Variants in NUMA1 observed in about 807,000 individuals in gnomAD.
The protein encoded by NUMA1 is nuclear mitotic apparatus protein 1.
NUMA1 carries 62 observed loss-of-function variants against 237.1 expected under a neutral mutation model. The observed-to-expected ratio is 0.26, with a 90% confidence interval of 0.21 to 0.32. The LOEUF (loss-of-function observed/expected upper bound fraction) is 0.32, where lower values mean the gene tolerates loss of function less well. Ranked by LOEUF, NUMA1 falls within the 10% of genes least tolerant of loss-of-function variation. NUMA1 has a pLI of 1.00. For missense variants in NUMA1, 2,533 were observed against 2,666.5 expected (o/e 0.95, Z 1.10); for synonymous variants, 1,028 against 1,066.1 (o/e 0.96, Z 0.70).
chr11:72,004,143 C>G, intron 25 of NUMA1, 44 bp from the exon 26 acceptor site: 1 of 1,610,402 alleles, frequency 6.2e-7, no homozygotes. Context: ...ATGCTGCCTT[C>G]CCAGGCCAGC....
In NUMA1 at chr11:72,008,695, T is replaced by C. The variant is rs936927353; in HGVS notation, c.5209A>G (p.Ile1737Val). The C allele has an allele frequency of 5.6e-6, 9 of 1,614,048 alleles. No homozygotes were observed. The highest frequency in any genetic ancestry group is 6.8e-6 in the Non-Finnish European group (8 of 1,180,040). Residue 1737 changes from isoleucine to valine, a missense_variant, in exon 20 of 27, where the codon ATC becomes GTC. Physicochemically the swap from Ile to Val is conservative, Grantham distance 29. Transcript: ENST00000393695. The stretch of plus-strand genomic sequence containing the variant: ...GGAAGGCTGCCTCCTGACCTGGTGA[T>C]ACTGAGTGGGGTCCCCTCCTCGCAG... The part of the protein sequence containing the change: ...LSCEEGTPLS[I>V]TSKLPRTQPD...
intron 20 of NUMA1, chr11:72,007,782 A>C (rs1955847204): frequency 5.3e-6 from 2 of 374,848 alleles, no homozygotes; most frequent in Admixed American, 4.3e-5. Flanking sequence ...AACGCCCCCC[A>C]CTCAGGCCCC....
At chr11:72,051,894 A>C (rs1007767594) in intron 2 of NUMA1, among the ~76,000 whole-genome samples, 5 of 152,224 alleles carry the variant, frequency 3.3e-5, no homozygotes, top group Non-Finnish European at 7.3e-5. Context: ...TAACACAAGC[A>C]AGGCTAGTGG....
intron 26 of NUMA1, 27 bp from the exon 27 acceptor site, chr11:72,003,565 G>A: frequency 1.2e-6 from 2 of 1,614,076 alleles, no homozygotes; most frequent in Non-Finnish European, 1.7e-6. Context: ...CACATGGCCA[G>A]ATGAGAACTT....
In NUMA1 at chr11:72,003,437, G is replaced by C. The variant is rs1955398263; in HGVS notation, c.*90C>G. 1 of 1,304,122 alleles carries C rather than the reference G, an allele frequency of 7.7e-7. No homozygotes were observed. 80.8% of individuals were successfully genotyped at this position (1,304,122 alleles called of 1,614,324 possible). On this transcript the variant is annotated 3_prime_UTR_variant, in exon 27 of 27. Transcript: ENST00000393695. ...TTTGGCTACTGTTGGCCTGGGAGCT[G>C]AGAGAAGGCACTGAGAGGGACAGTA...
At chr11:72,022,186 T>C in intron 7 of NUMA1, 153 bp downstream of exon 7, 1 of 582,116 alleles carries the variant, frequency 1.7e-6, no homozygotes, top group Non-Finnish European at 3.1e-6. Context: ...CTGCATGCTT[T>C]TCAACGTTTC....
chr11:72,030,451 C>T (rs767895852), intron 3 of NUMA1, among the ~76,000 whole-genome samples: 6 of 152,072 alleles, frequency 3.9e-5, no homozygotes, highest in Non-Finnish European at 5.9e-5. Context: ...TTGCCTGTTC[C>T]CATTCTTTGG....
intron 2 of NUMA1, among the ~76,000 whole-genome samples, chr11:72,053,370 G>A (rs1326992543): frequency 3.9e-5 from 6 of 152,188 alleles, no homozygotes; most frequent in African/African-American, 1.4e-4. Context: ...CAAACTGTGT[G>A]CTCACCGCTG....
At chr11:72,023,702 G>A (rs768367161) in intron 5 of NUMA1, among the ~76,000 whole-genome samples, 1 of 152,120 alleles carries the variant, frequency 6.6e-6, no homozygotes, top group Non-Finnish European at 1.5e-5. Context: ...CTGGACAAGG[G>A]GAGGGGAACT....
At chr11:72,055,391 C>T (rs1487290068) in intron 2 of NUMA1, among the ~76,000 whole-genome samples, 1 of 152,086 alleles carries the variant, frequency 6.6e-6, no homozygotes, top group Non-Finnish European at 1.5e-5. Context: ...AGCAACCGGG[C>T]CACGATGTAA....
chr11:72,015,182 A>G lies in NUMA1; in HGVS notation c.2321T>C (p.Leu774Pro), dbSNP rs201697611. ...AGTCTCAGCCTGATGGGCCTCCCCA[A>G]GCTGCTGTAATCGAGCCTCCAGCCC... is the stretch of plus-strand genomic sequence containing the variant. ...RKGLEARLQQ[L>P]GEAHQAETEV... is the part of the protein sequence containing the mutation. The change falls in exon 15 of 27, where the codon CTT (leucine) becomes CCT (proline). Residue 774 changes from leucine to proline, a missense_variant. Physicochemically the swap from Leu to Pro is moderately conservative, Grantham distance 98. Coordinates refer to ENST00000393695, the MANE Select transcript of NUMA1 (RefSeq NM_006185.4). The surrounding 1 kb of genome is among the most constrained non-coding windows in gnomAD (Gnocchi z 4.0). 7.4e-6 allele frequency: 12 copies of G among 1,613,382 alleles called. No homozygotes were observed. The highest frequency in any genetic ancestry group is 2.2e-5 in the East Asian group (1 of 44,888).
chr11:72,003,152 C>G lies in NUMA1; in HGVS notation c.*375G>C, dbSNP rs1955375573. 1 of 297,282 alleles carries G rather than the reference C, an allele frequency of 3.4e-6. No homozygotes were observed. Among genetic ancestry groups the G allele is most frequent in the African/African-American group, 2.1e-5 (1 of 47,188 alleles). The allele number at this position is 297,282 out of a possible 1,614,324, so 18.4% of individuals were successfully genotyped here. On this transcript the variant is annotated 3_prime_UTR_variant, in exon 27 of 27. Coordinates refer to ENST00000393695, the MANE Select transcript of NUMA1 (RefSeq NM_006185.4). The stretch of plus-strand genomic sequence containing the variant: ...GCCCAGCCACCAGGACAGCAGGAAC[C>G]AGGGCCTACTCCTCTTATGGTCCCT...
chr11:72,062,018 G>T (rs1003818544), intron 2 of NUMA1, among the ~76,000 whole-genome samples: 18 of 152,054 alleles, frequency 1.2e-4, no homozygotes, highest in Admixed American at 6.6e-5. Flanking sequence ...CCAGCAAGTC[G>T]AACAAACTGC....
At position 72,014,608 on chromosome 11, in the gene NUMA1, T is replaced by C; in HGVS notation, c.2895A>G (p.Ala965=). The C allele has an allele frequency of 6.2e-7, 1 of 1,607,940 alleles. No individual in the cohort carries two copies. ...CCTCCCGCTCCATAGCCTGCAGCGC[T>C]GCCTGTGTGCTGCAGAACTGGCGTC... The part of the protein sequence containing the change: ...QQGRQFCSTQ[A]ALQAMEREAE... The change falls in exon 15 of 27, where the codon GCA becomes GCG. Residue 965 remains alanine (A), a synonymous_variant. Coordinates refer to ENST00000393695, the MANE Select transcript of NUMA1 (RefSeq NM_006185.4). This position sits in a 1 kb window ranked among gnomAD's most constrained non-coding sequence, Gnocchi z 4.6.
At chr11:72,034,800 G>A (rs554907929) in intron 3 of NUMA1, among the ~76,000 whole-genome samples, 27 of 152,046 alleles carry the variant, frequency 1.8e-4, no homozygotes, top group African/African-American at 6.3e-4. Flanking sequence ...GTGACTCTGA[G>A]ACCCATATTT....
At chr11:72,018,340 C>T (rs747312641) in intron 11 of NUMA1, 40 bp from the exon 12 acceptor site, 7 of 1,608,616 alleles carry the variant, frequency 4.4e-6, no homozygotes, top group Admixed American at 1.7e-5. Context: ...GTATGGGTTC[C>T]TGGCTGGGTG....
chr11:72,055,205 G>A (rs954499227), intron 2 of NUMA1, among the ~76,000 whole-genome samples: 9 of 152,008 alleles, frequency 5.9e-5, no homozygotes, highest in Non-Finnish European at 1.3e-4. Flanking sequence ...TTTGTGTATG[G>A]CTCTTTACAA....
intron 2 of NUMA1, among the ~76,000 whole-genome samples, chr11:72,062,328 C>T (rs1942986543): frequency 6.7e-6 from 1 of 150,204 alleles, no homozygotes; most frequent in South Asian, 2.1e-4. Context: ...TTTGGTTTTA[C>T]AAAATAATGG....
intron 3 of NUMA1, among the ~76,000 whole-genome samples, chr11:72,031,082 G>A (rs976320209): frequency 6.6e-6 from 1 of 152,032 alleles, no homozygotes; most frequent in Non-Finnish European, 1.5e-5. Flanking sequence ...TTGAGGCTGG[G>A]AGTTTAGGAC....
Sources: gnomAD v4.1 joint callset for allele counts (sites outside exome capture counted in the v4.1 genomes callset) on GRCh38, gnomAD v4.1.1 for gene constraint, Gnocchi (gnomAD v3.1) non-coding constraint, MANE v1.5 for transcripts, NCBI Gene and HGNC (gene_info 2026-07-23, HGNC 2026-07-21) for gene names.